ALK: variants seen among roughly 807,000 people sequenced by gnomAD.
ALK encodes ALK tyrosine kinase receptor.
In ALK, 74 loss-of-function variants were observed where a neutral mutation model predicts 163.1. The ratio of observed to expected loss-of-function variants is 0.45; its 90% confidence interval spans 0.38 to 0.55. ALK has a LOEUF of 0.55. Ranked by LOEUF, ALK falls within the 20% of genes least tolerant of loss-of-function variation. The probability of loss-of-function intolerance (pLI) is 0.00; values close to 1 mark genes in which losing one functional copy is unlikely to be tolerated. For synonymous variants in ALK, 960 were observed against 843.2 expected (o/e 1.14, Z -2.40); for missense variants, 2,063 against 2,105.3 (o/e 0.98, Z 0.39).
intron 3 of ALK, among the ~76,000 whole-genome samples, chr2:29,692,930 C>T (rs1678444938): frequency 6.6e-6 from 1 of 152,190 alleles, no homozygotes; most frequent in Non-Finnish European, 1.5e-5. Context: ...ATCACAGCCA[C>T]ATGTATCAAA....
intron 1 of ALK, among the ~76,000 whole-genome samples, chr2:29,777,076 A>G (rs150311070): frequency 1.3e-5 from 2 of 152,288 alleles, no homozygotes; most frequent in East Asian, 3.9e-4. Flanking sequence ...CTCAAACTAC[A>G]GCAAGGGCAG....
intron 5 of ALK, among the ~76,000 whole-genome samples, chr2:29,358,095 G>A (rs1668295566): frequency 6.6e-6 from 1 of 152,196 alleles, no homozygotes; most frequent in African/African-American, 2.4e-5. Flanking sequence ...ACGTCAGCTT[G>A]CAGAACCAGA....
At chr2:29,455,332 G>A (rs1413894230) in intron 4 of ALK, among the ~76,000 whole-genome samples, 1 of 152,146 alleles carries the variant, frequency 6.6e-6, no homozygotes, top group African/African-American at 2.4e-5. Flanking sequence ...TGTGTCATCT[G>A]TCAGATGACG....
At chr2:29,706,845 G>A (rs1017900424) in intron 2 of ALK, among the ~76,000 whole-genome samples, 2 of 152,214 alleles carry the variant, frequency 1.3e-5, no homozygotes, top group African/African-American at 4.8e-5. Context: ...TTAAGGCTCA[G>A]AAGAGTGAAG....
At chr2:29,852,681 T>C (rs1010373697) in intron 1 of ALK, among the ~76,000 whole-genome samples, 4 of 152,116 alleles carry the variant, frequency 2.6e-5, no homozygotes, top group Non-Finnish European at 4.4e-5. Context: ...GGACCGAATG[T>C]TTGTGTACCC....
intron 3 of ALK, among the ~76,000 whole-genome samples, chr2:29,616,123 T>A (rs1675838181): frequency 6.6e-6 from 1 of 152,230 alleles, no homozygotes; most frequent in Non-Finnish European, 1.5e-5. Flanking sequence ...CCAGGCATAT[T>A]ATGTCACGAG....
intron 4 of ALK, among the ~76,000 whole-genome samples, chr2:29,436,381 A>G (rs1031035006): frequency 6.6e-5 from 10 of 152,118 alleles, no homozygotes; most frequent in Non-Finnish European, 1.5e-4. Context: ...CTTCCTAATC[A>G]CTTCCCAGTT....
chr2:29,743,514 T>C (rs6754181), intron 1 of ALK, among the ~76,000 whole-genome samples: 130,593 of 152,244 alleles, frequency 0.86, 56,245 homozygotes, highest in African/African-American at 0.93. Context: ...CAAGAATCCA[T>C]GGAACAGCCC....
intron 4 of ALK, among the ~76,000 whole-genome samples, chr2:29,456,797 A>T (rs1573370694): frequency 6.6e-6 from 1 of 152,194 alleles, no homozygotes; most frequent in African/African-American, 2.4e-5. Context: ...ATTAGATGTC[A>T]CATGTGAAAT....
intron 3 of ALK, 73 bp downstream of exon 3, chr2:29,694,777 C>G: frequency 1.3e-6 from 2 of 1,575,644 alleles, no homozygotes; most frequent in Admixed American, 3.3e-5. Context: ...GAAGTCTCAT[C>G]ATTTCAAACA....
chr2:29,705,385 C>T (rs1678878910), intron 2 of ALK, among the ~76,000 whole-genome samples: 1 of 150,542 alleles, frequency 6.6e-6, no homozygotes, highest in South Asian at 2.1e-4. Context: ...ACCACCTTGG[C>T]CCTGTGATGC....
At chr2:29,830,031 C>G (rs1041810431) in intron 1 of ALK, among the ~76,000 whole-genome samples, 1 of 152,228 alleles carries the variant, frequency 6.6e-6, no homozygotes, top group African/African-American at 2.4e-5. Context: ...CCTTGGCAAA[C>G]TGAAGTGGCA....
intron 1 of ALK, among the ~76,000 whole-genome samples, chr2:29,773,283 C>A (rs893581881): frequency 6.6e-6 from 1 of 151,922 alleles, no homozygotes; most frequent in African/African-American, 2.4e-5. Flanking sequence ...ACTAGTTGTT[C>A]AACACTTACC....
In ALK at chr2:29,690,133, A is replaced by T. The variant is rs1203420184; in HGVS notation, c.952+4717T>A. Among the ~76,000 whole-genome samples, 10 of 152,196 alleles carry T rather than the reference A, an allele frequency of 6.6e-5. 1 individual carries two copies. In the South Asian group the frequency reaches 1.9e-3, roughly 29 times the overall value. On this transcript the variant is annotated intron_variant, in intron 3 of 28. Transcript: ENST00000389048. ...CAGGAGTGCATCAAAAATTTGAATG[A>T]CCCCATTCTGCTGTTGCAATACCCT... is the stretch of plus-strand genomic sequence containing the variant.
intron 1 of ALK, among the ~76,000 whole-genome samples, chr2:29,765,645 A>T (rs76951699): frequency 0.034 from 5,121 of 151,812 alleles, 266 homozygotes; most frequent in African/African-American, 0.11. Context: ...CTTTTTTTTT[A>T]AATTTAAATT....
At chr2:29,517,420 GGCACTGT>G (rs990949136) in intron 4 of ALK, among the ~76,000 whole-genome samples, 2 of 152,050 alleles carry the variant, frequency 1.3e-5, no homozygotes, top group Admixed American at 6.6e-5. Flanking sequence ...CTTTTACTGG[GGCACTGT>G]GCTAAGAGCT....
At chr2:29,671,747 G>C (rs896850323) in intron 3 of ALK, among the ~76,000 whole-genome samples, 2 of 151,970 alleles carry the variant, frequency 1.3e-5, no homozygotes, top group Non-Finnish European at 2.9e-5. Flanking sequence ...CCTCATGTTT[G>C]AATTTCAAGT....
chr2:29,494,578 C>T (rs1406939430), intron 4 of ALK, among the ~76,000 whole-genome samples: 6 of 152,116 alleles, frequency 3.9e-5, no homozygotes, highest in Middle Eastern at 3.2e-3. Flanking sequence ...GCCCCTTCTG[C>T]GCGGTGCCAG....
chr2:29,785,018 G>A (rs1461622548), intron 1 of ALK, among the ~76,000 whole-genome samples: 2 of 152,068 alleles, frequency 1.3e-5, no homozygotes, highest in South Asian at 2.1e-4. Context: ...CTGAACCACT[G>A]ACAAGAAGTA....
Sources: allele counts gnomAD v4.1 joint callset (sites outside exome capture counted in the v4.1 genomes callset), GRCh38; gene constraint gnomAD v4.1.1; transcripts MANE v1.5; gene names NCBI Gene and HGNC (gene_info 2026-07-23, HGNC 2026-07-21).